Variants in CYP27B1 observed in about 807,000 individuals in gnomAD.
The protein encoded by CYP27B1 is cytochrome P450 family 27 subfamily B member 1.
In CYP27B1, 46 loss-of-function variants were observed where a neutral mutation model predicts 54.8. The ratio of observed to expected loss-of-function variants is 0.84; its 90% CI spans 0.66 to 1.07. CYP27B1 has a LOEUF of 1.07. CYP27B1 is among the 50% of genes least tolerant of loss of function. CYP27B1 has a pLI of 0.00. For missense variants in CYP27B1, 674 were observed against 692.2 expected, an observed-to-expected ratio of 0.97 and a Z score of 0.30; for synonymous variants, 292 against 297.3, an observed-to-expected ratio of 0.98 and a Z score of 0.18.
rs572765133 is a variant in CYP27B1 at position 57,765,186 on chromosome 12, C to T, written c.615G>A (p.Ser205=). Residue 205 remains serine, a synonymous_variant, in exon 4 of 9, where the codon TCG becomes TCA. Transcript: ENST00000228606. This position sits in a 1 kb window ranked among gnomAD's most constrained non-coding sequence, Gnocchi z 5.8. The stretch of plus-strand genomic sequence containing the variant: ...CTTGAGCCTCCAGGCAGCCCAAGCG[C>T]GAGCCGAGCAGAACCGCGGCGATGC... The part of the protein sequence containing the change: ...LEGIAAVLLG[S]RLGCLEAQVP... 6.2e-7 allele frequency: 1 copy of T among 1,613,220 alleles called. No individual in the cohort carries two copies. Among genetic ancestry groups the T allele is most frequent in the African/African-American group, 1.3e-5 (1 of 75,064 alleles).
chr12:57,764,699 A>G (rs1955344094), intron 5 of CYP27B1, 55 bp downstream of exon 5: 8 of 1,610,072 alleles, frequency 5.0e-6, no homozygotes, highest in Non-Finnish European at 6.8e-6. Flanking sequence ...ATGGAGCCGG[A>G]GTCTGCGGAG....
Position 57,763,047 on chromosome 12 carries a change from A to C in CYP27B1, c.*95T>G, listed in dbSNP as rs1298965505. The C allele has an allele frequency of 1.6e-5, 14 of 878,250 alleles. No individual in the cohort carries two copies. Among genetic ancestry groups the C allele is most frequent in the Non-Finnish European group, 2.4e-5 (13 of 533,948 alleles). 54.4% of individuals were successfully genotyped at this position (878,250 alleles called of 1,614,324 possible). ...TTCTATCCAGTTTGGTCAGATAGGC[A>C]TTAGGGGAAGATGTATACCTTGGTC... is the stretch of plus-strand genomic sequence containing the variant. On this transcript the variant is annotated 3_prime_UTR_variant, in exon 9 of 9. Transcript: ENST00000228606.
In CYP27B1 at chr12:57,766,045, G is replaced by T; in HGVS notation, c.348C>A (p.His116Gln). Residue 116 changes from histidine to glutamine, a missense_variant, in exon 2 of 9, where the codon CAC (histidine) becomes CAA (glutamine). His to Gln is a conservative substitution (Grantham distance 24, BLOSUM62 0). Coordinates refer to ENST00000228606, the MANE Select transcript of CYP27B1 (RefSeq NM_000785.4). Reference sequence around the variant, plus strand: ...CGCAAGCCCGCTGGCGGCAGCGGCGGTGCTCCGTCCAGGGCGAGAAGCTGC... The same window carrying T: ...CGCAAGCCCGCTGGCGGCAGCGGCGTTGCTCCGTCCAGGGCGAGAAGCTGC... ...ERCSFSPWTE[H>Q]RRCRQRACGL... 6.4e-7 allele frequency: 1 copy of T among 1,567,098 alleles called. No individual in the cohort carries two copies. The highest frequency in any genetic ancestry group is 8.6e-7 in the Non-Finnish European group (1 of 1,160,704).
rs1203721715 is a variant in CYP27B1 at position 57,766,118 on chromosome 12, G to T, written c.275C>A (p.Ala92Glu). Residue 92 changes from alanine (A) to glutamate (E), a missense_variant, in exon 2 of 9, where the codon GCA (alanine) becomes GAA (glutamate). By Grantham distance (107) the Ala-to-Glu change is moderately radical. Coordinates refer to ENST00000228606, the MANE Select transcript of CYP27B1 (RefSeq NM_000785.4). ...CTGTCGCAGCAGCTCCTCGACGAGTGCAGGGGCAGCCACGTACACGGTGCG... is the reference window on the plus strand; with the variant it reads ...CTGTCGCAGCAGCTCCTCGACGAGTTCAGGGGCAGCCACGTACACGGTGCG... ...TVRTVYVAAP[A>E]LVEELLRQEG... The T allele has an allele frequency of 6.5e-7, 1 of 1,545,960 alleles. No homozygotes were observed. Among genetic ancestry groups the T allele is most frequent in the Non-Finnish European group, 8.7e-7 (1 of 1,149,174 alleles).
At position 57,765,421 on chromosome 12, in the gene CYP27B1, G is replaced by A. The variant is rs751048270; in HGVS notation, c.465C>T (p.Ala155=). Residue 155 remains alanine (A), a synonymous_variant, in exon 3 of 9, where the codon GCC becomes GCT. Coordinates refer to ENST00000228606, the MANE Select transcript of CYP27B1 (RefSeq NM_000785.4). The surrounding 1 kb of genome is among the most constrained non-coding windows in gnomAD (Gnocchi z 5.8). The part of the protein sequence containing the change: ...LLRPQAAARY[A]GTLNNVVCDL... ...CGCAGACTACGTTGTTCAGGGTTCCGGCGTAGCGGGCGGCCGCTTGAGGCC... is the reference window on the plus strand; with the variant it reads ...CGCAGACTACGTTGTTCAGGGTTCCAGCGTAGCGGGCGGCCGCTTGAGGCC... 7 of 1,612,652 alleles carry A rather than the reference G, an allele frequency of 4.3e-6. No individual in the cohort carries two copies. The South Asian group carries it at 5.5e-5, about 13-fold the overall frequency.
chr12:57,766,828 G>A lies in CYP27B1; in HGVS notation c.195+19C>T, dbSNP rs1955365976. ...CAGTTTCCCCAGCACTCTGTCTCGG[G>A]AAAGGCGTCCCTTCCTACCTGCAGC... is the stretch of plus-strand genomic sequence containing the variant. On this transcript the variant is annotated intron_variant, in intron 1 of 8. Coordinates refer to ENST00000228606, the MANE Select transcript of CYP27B1 (RefSeq NM_000785.4). 8.1e-6 allele frequency: 13 copies of A among 1,613,750 alleles called. No individual in the cohort carries two copies. Among genetic ancestry groups the A allele is most frequent in the Non-Finnish European group, 1.0e-5 (12 of 1,179,792 alleles).
intron 7 of CYP27B1, 59 bp downstream of exon 7, chr12:57,764,039 G>T: frequency 2.1e-6 from 3 of 1,419,844 alleles, no homozygotes; most frequent in Non-Finnish European, 3.0e-6. Context: ...TGAGAACAGG[G>T]TTGGGGCCCA....
At position 57,767,074 on chromosome 12, in the gene CYP27B1, CT is replaced by C; in HGVS notation, c.-34del. On this transcript the variant is annotated 5_prime_UTR_variant, in exon 1 of 9. Coordinates refer to ENST00000228606, the MANE Select transcript of CYP27B1 (RefSeq NM_000785.4). Reference sequence around the variant, plus strand: ...TTCAGGGTGCTCGCGAAAGAAAGCGCTTCTCCTGAGCATCATATCTCAACCC... The same window carrying C: ...TTCAGGGTGCTCGCGAAAGAAAGCGCTCTCCTGAGCATCATATCTCAACCC... 1 of 1,602,468 alleles carries C rather than the reference CT, an allele frequency of 6.2e-7. No homozygotes were observed. The highest frequency in any genetic ancestry group is 8.6e-7 in the Non-Finnish European group (1 of 1,169,484).
At position 57,765,787 on chromosome 12, in the gene CYP27B1, C is replaced by T; in HGVS notation, c.386+220G>A. 1 of 950,936 alleles carries T rather than the reference C, an allele frequency of 1.1e-6. No individual in the cohort carries two copies. The highest frequency in any genetic ancestry group is 2.7e-5 in the East Asian group (1 of 37,730). The allele number at this position is 950,936 out of a possible 1,614,324, so 58.9% of individuals were successfully genotyped here. A position where few individuals can be genotyped will look rare whatever the true frequency, so the allele number is the denominator to read the frequency against. On this transcript the variant is annotated intron_variant, in intron 2 of 8. Coordinates refer to ENST00000228606, the MANE Select transcript of CYP27B1 (RefSeq NM_000785.4). This position sits in a 1 kb window ranked among gnomAD's most constrained non-coding sequence, Gnocchi z 5.8. ...CCAATTCCTCCGGTTCCCCCAGTTC[C>T]CAGGATTCGGGCCTCAAAGGATAAG...
In CYP27B1 at chr12:57,765,702, C is replaced by T. The variant is rs1264466188; in HGVS notation, c.387-203G>A. ...TTTCCTGCCCTCAGGGGCCGGGGTTCCCGGGTAACTTGAGTCACAGAACCT... is the reference window on the plus strand; with the variant it reads ...TTTCCTGCCCTCAGGGGCCGGGGTTTCCGGGTAACTTGAGTCACAGAACCT... On this transcript the variant is annotated intron_variant, in intron 2 of 8. Transcript: ENST00000228606. The surrounding 1 kb of genome is among the most constrained non-coding windows in gnomAD (Gnocchi z 5.8). The T allele has an allele frequency of 1.2e-6, 1 of 837,922 alleles. No homozygotes were observed. The highest frequency in any genetic ancestry group is 2.0e-6 in the Non-Finnish European group (1 of 510,130). The allele number at this position is 837,922 out of a possible 1,614,324, so 51.9% of individuals were successfully genotyped here.
In CYP27B1 at chr12:57,766,066, G is replaced by A. The variant is rs1955357930; in HGVS notation, c.327C>T (p.Ser109=). 1.3e-6 allele frequency: 2 copies of A among 1,557,910 alleles called. No homozygotes were observed. The highest frequency in any genetic ancestry group is 1.4e-5 in the African/African-American group (1 of 74,038). ...RQEGPRPERC[S]FSPWTEHRRC... is the part of the protein sequence containing the mutation. ...GGCGGTGCTCCGTCCAGGGCGAGAA[G>A]CTGCAGCGCTCGGGCCGGGGTCCCT... is the stretch of plus-strand genomic sequence containing the variant. The change falls in exon 2 of 9, where the codon AGC becomes AGT. Residue 109 remains serine, a synonymous_variant. Coordinates refer to ENST00000228606, the MANE Select transcript of CYP27B1 (RefSeq NM_000785.4).
chr12:57,766,851 A>T lies in CYP27B1; in HGVS notation c.191T>A (p.Leu64Gln). The T allele has an allele frequency of 2.5e-6, 4 of 1,614,210 alleles. No individual in the cohort carries two copies. Among genetic ancestry groups the T allele is most frequent in the Non-Finnish European group, 3.4e-6 (4 of 1,180,040 alleles). The stretch of plus-strand genomic sequence containing the variant: ...GGGAAAGGCGTCCCTTCCTACCTGC[A>T]GCTCGTGTAGCCTCGACAGCCCCCC... ...CKGGLSRLHE[L>Q]QVQGAAHFGP... Residue 64 changes from leucine to glutamine, a missense_variant, in exon 1 of 9, where the codon CTG (leucine) becomes CAG (glutamine). Transcript: ENST00000228606.
In CYP27B1 at chr12:57,765,264, C is replaced by A. The variant is rs1361615546; in HGVS notation, c.589+33G>T. The A allele has an allele frequency of 6.2e-7, 1 of 1,611,980 alleles. No homozygotes were observed. The highest frequency in any genetic ancestry group is 8.5e-7 in the Non-Finnish European group (1 of 1,179,292). ...TCCGGGAGGCTCTGGTAGGGCGCCC[C>A]CGACGCCTGCCCAGCTCTGTCCTGG... On this transcript the variant is annotated intron_variant, in intron 3 of 8. Transcript: ENST00000228606. This position sits in a 1 kb window ranked among gnomAD's most constrained non-coding sequence, Gnocchi z 5.8.
In CYP27B1 at chr12:57,765,330, C is replaced by G; in HGVS notation, c.556G>C (p.Val186Leu). The G allele has an allele frequency of 6.2e-7, 1 of 1,613,430 alleles. No homozygotes were observed. The highest frequency in any genetic ancestry group is 1.7e-5 in the Admixed American group (1 of 60,012). ...CCGAACTTGTAAAATTCCCCCGCCA[C>G]GTCCCGAACCAGGGCGGGCGGCCCC... is the stretch of plus-strand genomic sequence containing the variant. ...GTGPPALVRDVAGEFYKFGLE... is the reference protein window; with the variant it reads ...GTGPPALVRDLAGEFYKFGLE... Residue 186 changes from valine to leucine, a missense_variant, in exon 3 of 9, where the codon GTG (valine) becomes CTG (leucine). Physicochemically the swap from Val to Leu is conservative, Grantham distance 32. Coordinates refer to ENST00000228606, the MANE Select transcript of CYP27B1 (RefSeq NM_000785.4). This position sits in a 1 kb window ranked among gnomAD's most constrained non-coding sequence, Gnocchi z 5.8.
chr12:57,765,337 A>G lies in CYP27B1; in HGVS notation c.549T>C (p.Val183=). 1 of 1,613,434 alleles carries G rather than the reference A, an allele frequency of 6.2e-7. No individual in the cohort carries two copies. ...TGTAAAATTCCCCCGCCACGTCCCG[A>G]ACCAGGGCGGGCGGCCCCGTGCCAC... ...RGRGTGPPAL[V]RDVAGEFYKF... Residue 183 remains valine (V), a synonymous_variant, in exon 3 of 9, where the codon GTT becomes GTC. Coordinates refer to ENST00000228606, the MANE Select transcript of CYP27B1 (RefSeq NM_000785.4). The surrounding 1 kb of genome is among the most constrained non-coding windows in gnomAD (Gnocchi z 5.8).
At chr12:57,766,628 A>AGCGAGAAG in intron 1 of CYP27B1, 1 of 615,408 alleles carries the variant, frequency 1.6e-6, no homozygotes, top group African/African-American at 1.8e-5. Context: ...ACCTCAGGAC[A>AGCGAGAAG]GCGAGAAGGC....
At position 57,765,769 on chromosome 12, in the gene CYP27B1, C is replaced by T; in HGVS notation, c.386+238G>A. On this transcript the variant is annotated intron_variant, in intron 2 of 8. Transcript: ENST00000228606. The surrounding 1 kb of genome is among the most constrained non-coding windows in gnomAD (Gnocchi z 5.8). ...AGATCCTTGTACCCTAGCCCAATTCCTCCGGTTCCCCCAGTTCCCAGGATT... is the reference window on the plus strand; with the variant it reads ...AGATCCTTGTACCCTAGCCCAATTCTTCCGGTTCCCCCAGTTCCCAGGATT... 1 of 861,192 alleles carries T rather than the reference C, an allele frequency of 1.2e-6. No individual in the cohort carries two copies. The highest frequency in any genetic ancestry group is 1.8e-6 in the Non-Finnish European group (1 of 568,506). The allele number at this position is 861,192 out of a possible 1,614,324, so 53.3% of individuals were successfully genotyped here.
At position 57,764,043 on chromosome 12, in the gene CYP27B1, G is replaced by T; in HGVS notation, c.1215+55C>A. The stretch of plus-strand genomic sequence containing the variant: ...AGGAGAGTGTTTGAGAACAGGGTTG[G>T]GGCCCAAGATAGTGAGGAATGGCTC... On this transcript the variant is annotated intron_variant, in intron 7 of 8. Coordinates refer to ENST00000228606, the MANE Select transcript of CYP27B1 (RefSeq NM_000785.4). 2.1e-6 allele frequency: 3 copies of T among 1,437,356 alleles called. No individual in the cohort carries two copies. In the Admixed American group the frequency reaches 5.0e-5, roughly 24 times the overall value. 89.0% of individuals were successfully genotyped at this position (1,437,356 alleles called of 1,614,324 possible). A position where few individuals can be genotyped will look rare whatever the true frequency, so the allele number is the denominator to read the frequency against.
chr12:57,766,920 G>A lies in CYP27B1; in HGVS notation c.122C>T (p.Pro41Leu), dbSNP rs982250460. 2 of 1,614,210 alleles carry A rather than the reference G, an allele frequency of 1.2e-6. No homozygotes were observed. The change falls in exon 1 of 9, where the codon CCA (proline) becomes CTA (leucine). Residue 41 changes from proline to leucine, a missense_variant. By Grantham distance (98) the Pro-to-Leu change is moderately conservative. Transcript: ENST00000228606. ...CAGAAAGCTGGGCGTAGAGGGGCCT[G>A]GGATGTCTGCCAAGCTCCGGCGTGC... Reference protein sequence around the residue: ...HSARRSLADIPGPSTPSFLAE... With the variant: ...HSARRSLADILGPSTPSFLAE...
Sources: allele counts gnomAD v4.1 joint callset, GRCh38; gene constraint gnomAD v4.1.1; non-coding constraint Gnocchi (gnomAD v3.1); transcripts MANE v1.5; gene names NCBI Gene and HGNC (gene_info 2026-07-23, HGNC 2026-07-21).